CDS1: variants seen among roughly 807,000 people sequenced by gnomAD.
The protein encoded by CDS1 is phosphatidate cytidylyltransferase 1.
A neutral mutation model predicts 62.1 loss-of-function variants in CDS1; 41 were observed. That is an observed-to-expected ratio of 0.66 (90% CI 0.51 to 0.86). The LOEUF (loss-of-function observed/expected upper bound fraction) is 0.86. Ranked by LOEUF, CDS1 falls within the 40% of genes least tolerant of loss-of-function variation. The pLI, the probability that CDS1 is intolerant of heterozygous loss-of-function variation, is 0.00. For synonymous variants in CDS1, 185 were observed against 192.6 expected (o/e 0.96, Z 0.32); for missense variants, 470 against 550.1 (o/e 0.85, Z 1.46).
At chr4:84,612,740 C>T (rs2148643799) in intron 3 of CDS1, among the ~76,000 whole-genome samples, 1 of 152,210 alleles carries the variant, frequency 6.6e-6, no homozygotes, top group Admixed American at 6.5e-5. Context: ...CCTGTAATCT[C>T]AGCACCTTGG....
chr4:84,635,234 GCTGA>G lies in CDS1; in HGVS notation c.723-27_723-24del, dbSNP rs1724143897. On this transcript the variant is annotated intron_variant, in intron 7 of 12. Coordinates refer to ENST00000295887, the MANE Select transcript of CDS1 (RefSeq NM_001263.4). The stretch of plus-strand genomic sequence containing the variant: ...CACTTACTCAGGTGAACTTTTTTCT[GCTGA>G]CTTTTTTTTTTTTTTTTAAAAACAG... The G allele has an allele frequency of 4.4e-6, 5 of 1,148,290 alleles. No homozygotes were observed. The South Asian group carries it at 5.4e-5, about 12-fold the overall frequency. The allele number at this position is 1,148,290 out of a possible 1,614,324, so 71.1% of individuals were successfully genotyped here.
intron 2 of CDS1, among the ~76,000 whole-genome samples, chr4:84,605,734 G>T (rs969617727): frequency 7.9e-5 from 12 of 151,850 alleles, no homozygotes; most frequent in Non-Finnish European, 1.8e-4. Context: ...TCATGAAGTT[G>T]TTTTTTTCTG....
In CDS1 at chr4:84,633,938, T is replaced by C. The variant is rs1724099744; in HGVS notation, c.721T>C (p.Trp241Arg). 2 of 1,583,904 alleles carry C rather than the reference T, an allele frequency of 1.3e-6. No individual in the cohort carries two copies. The highest frequency in any genetic ancestry group is 1.1e-5 in the South Asian group (1 of 89,388). ...CCAAAATCTGTTTGAAGGCATGATATGGTAAGGCAACAGAATTATGCTGCT... is the reference window on the plus strand; with the variant it reads ...CCAAAATCTGTTTGAAGGCATGATACGGTAAGGCAACAGAATTATGCTGCT... ...VIQNLFEGMI[W>R]FLVPISSVIC... Residue 241 changes from tryptophan to arginine, a missense_variant and splice_region_variant, in exon 7 of 13, where the codon TGG becomes CGG. Trp to Arg is a moderately radical substitution (Grantham distance 101, BLOSUM62 -3). Around this residue, in one of 5 missense-constraint regions of CDS1, gnomAD observed 214 missense variants for 242.4 expected, o/e 0.88. Coordinates refer to ENST00000295887, the MANE Select transcript of CDS1 (RefSeq NM_001263.4).
At chr4:84,637,592 A>G (rs1335863131) in intron 8 of CDS1, among the ~76,000 whole-genome samples, 1 of 152,150 alleles carries the variant, frequency 6.6e-6, no homozygotes, top group African/African-American at 2.4e-5. Context: ...CACCTCCGAC[A>G]CTGAGGATTA....
At chr4:84,611,316 T>C (rs1244808325) in intron 3 of CDS1, among the ~76,000 whole-genome samples, 5 of 152,336 alleles carry the variant, frequency 3.3e-5, no homozygotes, top group African/African-American at 1.2e-4. Flanking sequence ...TTATTGGTAT[T>C]ATCATTGTTA....
intron 5 of CDS1, among the ~76,000 whole-genome samples, chr4:84,625,598 A>G (rs564553825): frequency 3.9e-5 from 6 of 152,194 alleles, no homozygotes; most frequent in African/African-American, 1.2e-4. Flanking sequence ...AAAGGATTGC[A>G]TGTTTTGGGT....
chr4:84,638,123 C>CA (rs1724269533), intron 8 of CDS1, among the ~76,000 whole-genome samples: 1 of 152,184 alleles, frequency 6.6e-6, no homozygotes, highest in Non-Finnish European at 1.5e-5. Flanking sequence ...CCACACATCA[C>CA]AGTCTTTATC....
Position 84,629,489 on chromosome 4 carries a change from T to C in CDS1, c.581-2330T>C, listed in dbSNP as rs543856830. Among the ~76,000 whole-genome samples the C allele has an allele frequency of 1.6e-4, 25 of 152,300 alleles. No individual in the cohort carries two copies. The South Asian group carries it at 5.0e-3, about 30-fold the overall frequency. ...AGAATTTACATTGTATTAGGAATTA[T>C]AAGTAATCTAGAAATGATTTAAGAT... is the stretch of plus-strand genomic sequence containing the variant. On this transcript the variant is annotated intron_variant, in intron 5 of 12. Transcript: ENST00000295887.
At chr4:84,633,744 G>C (rs1335743891) in intron 6 of CDS1, 113 bp from the exon 7 acceptor site, 1 of 511,656 alleles carries the variant, frequency 2.0e-6, no homozygotes. Context: ...ACTCTAACTT[G>C]TACATTTTGA....
At chr4:84,623,531 T>G (rs1394510448) in intron 5 of CDS1, among the ~76,000 whole-genome samples, 3 of 152,174 alleles carry the variant, frequency 2.0e-5, no homozygotes, top group Non-Finnish European at 4.4e-5. Context: ...GCTTCCAAAT[T>G]TTGTAGACAT....
In CDS1 at chr4:84,590,356, A is replaced by G. The variant is rs1420556927; in HGVS notation, c.117+6838A>G. On this transcript the variant is annotated intron_variant, in intron 1 of 12. Coordinates refer to ENST00000295887, the MANE Select transcript of CDS1 (RefSeq NM_001263.4). ...CTCAAGTTATACTAATAAAAGAGTG[A>G]ATCTAAAGGCATGGTAATGTAATAG... Among the ~76,000 whole-genome samples, 3 of 152,332 alleles carry G rather than the reference A, an allele frequency of 2.0e-5. No individual in the cohort carries two copies. In the East Asian group the frequency reaches 5.8e-4, roughly 29 times the overall value.
intron 5 of CDS1, among the ~76,000 whole-genome samples, chr4:84,622,951 A>C (rs1348619877): frequency 1.3e-5 from 2 of 152,150 alleles, no homozygotes; most frequent in Admixed American, 6.5e-5. Context: ...GTTTTTCCCG[A>C]ACTTGAGGAA....
At chr4:84,603,413 G>A (rs1722996267) in intron 1 of CDS1, among the ~76,000 whole-genome samples, 1 of 152,198 alleles carries the variant, frequency 6.6e-6, no homozygotes, top group Non-Finnish European at 1.5e-5. Flanking sequence ...GGTTGCCAGG[G>A]TAGGATGGAA....
At chr4:84,584,058 T>C (rs943456404) in intron 1 of CDS1, among the ~76,000 whole-genome samples, 24 of 152,226 alleles carry the variant, frequency 1.6e-4, no homozygotes, top group Non-Finnish European at 3.2e-4. Context: ...TAGAGTATCA[T>C]GCACGTGACA....
chr4:84,643,461 A>G (rs906858751), intron 11 of CDS1, among the ~76,000 whole-genome samples: 2 of 152,202 alleles, frequency 1.3e-5, no homozygotes, highest in African/African-American at 4.8e-5. Flanking sequence ...TGAATCATCT[A>G]AAGTTTAGTG....
rs1722313911 is a variant in CDS1 at position 84,583,446 on chromosome 4, A to T, written c.45A>T (p.Glu15Asp). ...RHRGSCPGPR[E>D]AVSPPHREGE... ...GGGGAAGCTGCCCCGGCCCCAGGGA[A>T]GCGGTGTCGCCGCCACACCGCGAGG... The change falls in exon 1 of 13, where the codon GAA (glutamate) becomes GAT (aspartate). Residue 15 changes from glutamate to aspartate, a missense_variant. Glu to Asp is a conservative substitution (Grantham distance 45). Transcript: ENST00000295887. 1 of 1,589,780 alleles carries T rather than the reference A, an allele frequency of 6.3e-7. No individual in the cohort carries two copies.
At chr4:84,589,662 C>T (rs1184192022) in intron 1 of CDS1, among the ~76,000 whole-genome samples, 6 of 152,152 alleles carry the variant, frequency 3.9e-5, no homozygotes, top group South Asian at 2.1e-4. Flanking sequence ...TCCAAAATAT[C>T]GGCAACCCAG....
rs1214166012 is a variant in CDS1 at position 84,650,555 on chromosome 4, A to G, written c.*1869A>G. ...AAAAACTCAGTAGTTTGCATGAGTAAGAACTCCTTGAGATACACAGATCCC... is the reference window on the plus strand; with the variant it reads ...AAAAACTCAGTAGTTTGCATGAGTAGGAACTCCTTGAGATACACAGATCCC... On this transcript the variant is annotated 3_prime_UTR_variant, in exon 13 of 13. Coordinates refer to ENST00000295887, the MANE Select transcript of CDS1 (RefSeq NM_001263.4). 1 of 152,238 alleles carries G rather than the reference A, an allele frequency of 6.6e-6. No individual in the cohort carries two copies. Among genetic ancestry groups the G allele is most frequent in the Non-Finnish European group, 1.5e-5 (1 of 68,042 alleles). 9.4% of individuals were successfully genotyped at this position (152,238 alleles called of 1,614,324 possible). A position where few individuals can be genotyped will look rare whatever the true frequency, so the allele number is the denominator to read the frequency against.
At position 84,647,644 on chromosome 4, in the gene CDS1, T is replaced by A. The variant is rs114023484; in HGVS notation, c.1257-913T>A. Among the ~76,000 whole-genome samples the A allele has an allele frequency of 3.2e-3, 483 of 152,264 alleles. 3 individuals are homozygous for A. The highest frequency in any genetic ancestry group is 0.011 in the African/African-American group (469 of 41,562). On this transcript the variant is annotated intron_variant, in intron 12 of 12. Transcript: ENST00000295887. ...CAGTGTCCTGACCTGAGTGTGAAAG[T>A]TTTTTGGCAGATGAGTTGAGCCACG...
Sources: allele counts gnomAD v4.1 joint callset (sites outside exome capture counted in the v4.1 genomes callset), GRCh38; gene constraint gnomAD v4.1.1; regional missense constraint gnomAD v4.1.1; transcripts MANE v1.5; gene names NCBI Gene and HGNC (gene_info 2026-07-23, HGNC 2026-07-21).